MYO16: variants seen among roughly 807,000 people sequenced by gnomAD.
MYO16 encodes unconventional myosin-XVI.
MYO16 carries 94 observed loss-of-function variants against 205.3 expected under a neutral mutation model. The observed-to-expected ratio is 0.46, with a 90% confidence interval of 0.39 to 0.54. MYO16 has a LOEUF of 0.54. MYO16 is among the 20% of genes least tolerant of loss of function. The probability of loss-of-function intolerance (pLI) is 0.00; values close to 1 mark genes in which losing one functional copy is unlikely to be tolerated. For missense variants in MYO16, 2,315 were observed against 2,387.5 expected (o/e 0.97, Z 0.63); for synonymous variants, 988 against 954.0 (o/e 1.04, Z -0.66).
intron 9 of MYO16, among the ~76,000 whole-genome samples, chr13:108,831,035 T>G (rs1161389378): frequency 2.0e-5 from 3 of 152,198 alleles, no homozygotes; most frequent in Non-Finnish European, 4.4e-5. Context: ...GCCTTCACAG[T>G]GTCCTCACAT....
At chr13:108,720,696 A>G (rs537379257) in intron 3 of MYO16, among the ~76,000 whole-genome samples, 1 of 152,326 alleles carries the variant, frequency 6.6e-6, no homozygotes, top group South Asian at 2.1e-4. Flanking sequence ...CTCCTCTGCC[A>G]TGACTGCTCC....
intron 4 of MYO16, among the ~76,000 whole-genome samples, chr13:108,731,617 C>T (rs892802647): frequency 6.6e-6 from 1 of 152,156 alleles, no homozygotes; most frequent in Non-Finnish European, 1.5e-5. Flanking sequence ...TTTCATGGCT[C>T]AGCAATGTCC....
chr13:108,936,864 A>G (rs577652579), intron 16 of MYO16, among the ~76,000 whole-genome samples: 13 of 152,226 alleles, frequency 8.5e-5, no homozygotes, highest in African/African-American at 2.6e-4. Context: ...TAATATTGAT[A>G]TGTGAGGTTT....
chr13:108,551,352 G>A, the MYO16 span, among the ~76,000 whole-genome samples: 2 of 152,144 alleles, frequency 1.3e-5, no homozygotes, highest in Admixed American at 1.3e-4. Context: ...CCAAAACTGA[G>A]GCTGCTTCTT....
At chr13:108,603,184 C>T (rs868184656) in intron 1 of MYO16, among the ~76,000 whole-genome samples, 1 of 152,122 alleles carries the variant, frequency 6.6e-6, no homozygotes, top group South Asian at 2.1e-4. Flanking sequence ...TGATGTGTGT[C>T]ATGATTGTGT....
At chr13:109,092,677 GT>G (rs1310930932) in intron 27 of MYO16, among the ~76,000 whole-genome samples, 1 of 152,116 alleles carries the variant, frequency 6.6e-6, no homozygotes, top group Non-Finnish European at 1.5e-5. Flanking sequence ...CCTGACACAT[GT>G]TTACCTATGT....
chr13:109,161,123 C>T (rs541569212), intron 32 of MYO16, among the ~76,000 whole-genome samples: 6 of 152,138 alleles, frequency 3.9e-5, no homozygotes, highest in Non-Finnish European at 5.9e-5. Context: ...TAGAATGCCG[C>T]GGCTACTACA....
At chr13:108,635,552 G>A (rs1327252484) in intron 1 of MYO16, among the ~76,000 whole-genome samples, 8 of 151,222 alleles carry the variant, frequency 5.3e-5, no homozygotes, top group Non-Finnish European at 8.8e-5. Context: ...CCAGGCTGGA[G>A]TGCAGTGGCA....
chr13:109,117,404 ATATATGTGTATATATG>A (rs893299876), intron 28 of MYO16, among the ~76,000 whole-genome samples: 4 of 145,058 alleles, frequency 2.8e-5, no homozygotes, highest in Admixed American at 7.1e-5. Flanking sequence ...ATATGTATAT[ATATATGTGTATATATG>A]TATATGTGTA....
At chr13:108,547,140 C>T in the MYO16 span, among the ~76,000 whole-genome samples, 19 of 151,838 alleles carry the variant, frequency 1.3e-4, no homozygotes, top group East Asian at 5.8e-4. Flanking sequence ...GGCATCATGG[C>T]GGGCACCTGT....
chr13:108,767,879 A>G (rs144264160), intron 4 of MYO16, among the ~76,000 whole-genome samples: 2 of 152,302 alleles, frequency 1.3e-5, no homozygotes, highest in East Asian at 3.9e-4. Flanking sequence ...ACACTTTAAT[A>G]TGGTATTCTT....
chr13:108,595,885 T>TTG (rs1445690959), upstream of MYO16, among the ~76,000 whole-genome samples: 2 of 147,166 alleles, frequency 1.4e-5, no homozygotes, highest in African/African-American at 5.0e-5. Context: ...TAAGTCCTTT[T>TTG]TTTTTTTTTT....
chr13:108,897,869 G>C (rs1389695695), intron 14 of MYO16, 147 bp from the exon 15 acceptor site: 1 of 651,136 alleles, frequency 1.5e-6, no homozygotes, highest in African/African-American at 1.8e-5. Flanking sequence ...TGAGGAAAAA[G>C]GGGTCTTAAA....
At chr13:108,863,685 A>G (rs532354205) in intron 11 of MYO16, among the ~76,000 whole-genome samples, 102 of 152,100 alleles carry the variant, frequency 6.7e-4, no homozygotes, top group African/African-American at 2.3e-3. Context: ...TCTAATGTCA[A>G]TTTTGTGTGT....
chr13:109,159,843 C>T (rs1017759320), intron 32 of MYO16, among the ~76,000 whole-genome samples: 3 of 152,216 alleles, frequency 2.0e-5, no homozygotes, highest in Non-Finnish European at 4.4e-5. Context: ...AGGCCTAAGG[C>T]GTGTAAGGGG....
At chr13:109,133,994 T>A (rs1380934854) in intron 31 of MYO16, among the ~76,000 whole-genome samples, 2 of 152,236 alleles carry the variant, frequency 1.3e-5, no homozygotes, top group Admixed American at 1.3e-4. Context: ...AGTCATCTGA[T>A]GTTACTGAAC....
At chr13:108,499,516 C>A in the MYO16 span, among the ~76,000 whole-genome samples, 2 of 152,212 alleles carry the variant, frequency 1.3e-5, no homozygotes, top group Non-Finnish European at 2.9e-5. Context: ...GGCGCACCCC[C>A]AACCCCCCAT....
At chr13:108,554,589 C>T in the MYO16 span, among the ~76,000 whole-genome samples, 1 of 152,108 alleles carries the variant, frequency 6.6e-6, no homozygotes, top group Non-Finnish European at 1.5e-5. Flanking sequence ...GTGGCTCACG[C>T]CTGTAATCCC....
chr13:109,035,167 T>A (rs891140985), intron 23 of MYO16, among the ~76,000 whole-genome samples: 1 of 151,990 alleles, frequency 6.6e-6, no homozygotes, highest in African/African-American at 2.4e-5. Context: ...CAGGGATTTT[T>A]GAAAAATCCT....
Sources: allele counts gnomAD v4.1 joint callset (sites outside exome capture counted in the v4.1 genomes callset), GRCh38; gene constraint gnomAD v4.1.1; transcripts MANE v1.5; gene names NCBI Gene and HGNC (gene_info 2026-07-23, HGNC 2026-07-21).